The following POLR2B variants were observed in gnomAD, a reference collection of about 807,000 sequenced individuals.
The protein encoded by POLR2B is DNA-directed RNA polymerase II subunit RPB2.
Under a neutral mutation model 144.6 loss-of-function variants are expected in POLR2B, and 57 were observed. That is an observed-to-expected ratio of 0.39 (90% confidence interval 0.32 to 0.49). The LOEUF (loss-of-function observed/expected upper bound fraction) is 0.49. Among genes scored for constraint, POLR2B ranks in the 20% least tolerant of loss-of-function variants. The pLI, the probability that POLR2B is intolerant of heterozygous loss-of-function variation, is 0.83. For synonymous variants in POLR2B, 442 were observed against 469.8 expected, an observed-to-expected ratio of 0.94 and a Z score of 0.77; for missense variants, 595 against 1,467.4, an observed-to-expected ratio of 0.41 and a Z score of 9.71.
At chr4:56,980,671 GA>G (rs1722130086) in intron 1 of POLR2B, among the ~76,000 whole-genome samples, 1 of 152,094 alleles carries the variant, frequency 6.6e-6, no homozygotes, top group African/African-American at 2.4e-5. Context: ...TATGAGCTGA[GA>G]ACAAAGTGAG....
At chr4:56,989,012 A>G (rs976509644) in intron 2 of POLR2B, among the ~76,000 whole-genome samples, 2 of 152,222 alleles carry the variant, frequency 1.3e-5, no homozygotes, top group Non-Finnish European at 2.9e-5. Context: ...TACTTTGGCT[A>G]TTGAGAAATG....
At position 57,023,984 on chromosome 4, in the gene POLR2B, T is replaced by G. The variant is rs752830059; in HGVS notation, c.2857-21T>G. On this transcript the variant is annotated intron_variant, in intron 20 of 24. Coordinates refer to ENST00000314595, the MANE Select transcript of POLR2B (RefSeq NM_000938.3). The surrounding 1 kb of genome is among the most constrained non-coding windows in gnomAD (Gnocchi z 4.3). ...TTTAGTATATGTATCTTTGAGTCCC[T>G]TTTAAAATTTTTCTTTGTAGGATAT... 2 of 1,385,914 alleles carry G rather than the reference T, an allele frequency of 1.4e-6. No individual in the cohort carries two copies. The highest frequency in any genetic ancestry group is 1.3e-5 in the South Asian group (1 of 77,744). The allele number at this position is 1,385,914 out of a possible 1,614,324, so 85.9% of individuals were successfully genotyped here. A position where few individuals can be genotyped will look rare whatever the true frequency, so the allele number is the denominator to read the frequency against.
At chr4:57,022,598 A>C (rs1723589884) in intron 18 of POLR2B, among the ~76,000 whole-genome samples, 1 of 152,204 alleles carries the variant, frequency 6.6e-6, no homozygotes, top group African/African-American at 2.4e-5. Flanking sequence ...ATATTTGTTC[A>C]GCCACATTGT....
At chr4:57,025,777 C>CGA in intron 23 of POLR2B, among the ~76,000 whole-genome samples, 1 of 152,000 alleles carries the variant, frequency 6.6e-6, no homozygotes, top group East Asian at 1.9e-4. Flanking sequence ...CAGTGGCATG[C>CGA]CCACAGCTCC....
intron 1 of POLR2B, among the ~76,000 whole-genome samples, chr4:56,980,089 A>ATTTT (rs58541865): frequency 4.3e-5 from 6 of 139,074 alleles, no homozygotes; most frequent in African/African-American, 1.1e-4. Flanking sequence ...CAAAAGCTTA[A>ATTTT]TTTTTTTTTT....
chr4:56,995,768 G>C (rs946932939), intron 6 of POLR2B, among the ~76,000 whole-genome samples: 6 of 152,210 alleles, frequency 3.9e-5, no homozygotes, highest in African/African-American at 1.4e-4. Context: ...GCTCGCTGTT[G>C]GCTGGAAGCC....
At position 56,986,362 on chromosome 4, in the gene POLR2B, TATGATGAGGATG is replaced by T; in HGVS notation, c.36_47del (p.Asp13_Glu16del). The T allele has an allele frequency of 6.2e-7, 1 of 1,606,204 alleles. No homozygotes were observed. Among genetic ancestry groups the T allele is most frequent in the Non-Finnish European group, 8.5e-7 (1 of 1,173,006 alleles). On this transcript the variant is annotated inframe_deletion, in exon 2 of 25. Coordinates refer to ENST00000314595, the MANE Select transcript of POLR2B (RefSeq NM_000938.3). ...TATTTTTGTTTTTACAGATATGCAA[TATGATGAGGATG>T]ATGATGAAATCACCCCGGATTTGTG...
Position 57,023,190 on chromosome 4 carries a change from G to A in POLR2B, c.2516-140G>A, listed in dbSNP as rs1275769931. The A allele has an allele frequency of 2.7e-6, 2 of 735,542 alleles. No homozygotes were observed. Among genetic ancestry groups the A allele is most frequent in the African/African-American group, 3.5e-5 (2 of 56,378 alleles). The allele number at this position is 735,542 out of a possible 1,614,324, so 45.6% of individuals were successfully genotyped here. The stretch of plus-strand genomic sequence containing the variant: ...GGCTGTAGTATTAGAGTTCAGAATA[G>A]TTTGTAATATTTGGAATAAGGGTGT... On this transcript the variant is annotated intron_variant, in intron 18 of 24. Transcript: ENST00000314595. The surrounding 1 kb of genome is among the most constrained non-coding windows in gnomAD (Gnocchi z 4.3).
At chr4:56,988,811 T>C (rs1231475426) in intron 2 of POLR2B, among the ~76,000 whole-genome samples, 1 of 152,238 alleles carries the variant, frequency 6.6e-6, no homozygotes, top group Non-Finnish European at 1.5e-5. Context: ...ACCAGGTAGA[T>C]GTTCTGTGGA....
chr4:57,030,189 T>G lies in POLR2B; in HGVS notation c.3240-15T>G. 1 of 1,604,750 alleles carries G rather than the reference T, an allele frequency of 6.2e-7. No individual in the cohort carries two copies. The highest frequency in any genetic ancestry group is 8.5e-7 in the Non-Finnish European group (1 of 1,174,164). ...AAAAAATAAGTACAAAGTAATAATT[T>G]TTTTCTCTTAACAGTGATGGTGGCC... On this transcript the variant is annotated splice_polypyrimidine_tract_variant and intron_variant, in intron 23 of 24. Coordinates refer to ENST00000314595, the MANE Select transcript of POLR2B (RefSeq NM_000938.3).
chr4:57,016,052 T>C (rs963179617), intron 14 of POLR2B, among the ~76,000 whole-genome samples: 1 of 152,188 alleles, frequency 6.6e-6, no homozygotes, highest in Non-Finnish European at 1.5e-5. Flanking sequence ...AGCCACTGCG[T>C]CCGGCAAGTT....
chr4:57,014,895 CT>C (rs1483461977), intron 13 of POLR2B, among the ~76,000 whole-genome samples: 1 of 152,098 alleles, frequency 6.6e-6, no homozygotes, highest in East Asian at 1.9e-4. Flanking sequence ...ATTTTACGTT[CT>C]TTTTTTTCTG....
Position 57,030,325 on chromosome 4 carries a change from C to G in POLR2B, c.3361C>G (p.Leu1121Val). The change falls in exon 24 of 25, where the codon CTT (leucine) becomes GTT (valine). Residue 1121 changes from leucine (L) to valine (V), a missense_variant. Physicochemically the swap from Leu to Val is conservative, Grantham distance 32. This residue lies in a region of POLR2B where 45 missense variants were observed against 80.9 expected (regional missense o/e 0.56). Transcript: ENST00000314595. ...SDPYQVHVCNLCGIMAIANTR... is the reference protein window; with the variant it reads ...SDPYQVHVCNVCGIMAIANTR... ...TCCATATCAGGTTCATGTTTGCAAT[C>G]TTTGTGGAATAATGGCGATTGCCAA... 6.2e-7 allele frequency: 1 copy of G among 1,614,106 alleles called. No individual in the cohort carries two copies. Among genetic ancestry groups the G allele is most frequent in the Non-Finnish European group, 8.5e-7 (1 of 1,179,990 alleles).
Position 57,017,780 on chromosome 4 carries a change from CT to C in POLR2B, c.2323+56del, listed in dbSNP as rs749558816. The C allele has an allele frequency of 3.7e-6, 5 of 1,363,062 alleles. No homozygotes were observed. Among genetic ancestry groups the C allele is most frequent in the Non-Finnish European group, 5.1e-6 (5 of 974,694 alleles). 84.4% of individuals were successfully genotyped at this position (1,363,062 alleles called of 1,614,324 possible). A position where few individuals can be genotyped will look rare whatever the true frequency, so the allele number is the denominator to read the frequency against. On this transcript the variant is annotated intron_variant, in intron 16 of 24. Coordinates refer to ENST00000314595, the MANE Select transcript of POLR2B (RefSeq NM_000938.3). The surrounding 1 kb of genome is among the most constrained non-coding windows in gnomAD (Gnocchi z 4.8). ...TTAAGATCCTTCTGTGCTTAAGGCA[CT>C]TTTCTGGGTGCTTGGGAGGATTAAA...
At chr4:56,990,967 C>A in intron 3 of POLR2B, 69 bp downstream of exon 3, 1 of 1,378,366 alleles carries the variant, frequency 7.3e-7, no homozygotes, top group Non-Finnish European at 9.8e-7. Flanking sequence ...CCTTCTCTTA[C>A]CTGGCTTAAA....
chr4:57,009,559 A>G (rs56798906), intron 10 of POLR2B: 11,603 of 152,132 alleles, frequency 0.076, 504 homozygotes, highest in African/African-American at 0.093. Context: ...AGGTGAGGGG[A>G]AATGGGCTGG....
chr4:57,020,326 C>G (rs994993186), intron 16 of POLR2B, among the ~76,000 whole-genome samples: 6 of 152,160 alleles, frequency 3.9e-5, no homozygotes, highest in African/African-American at 1.2e-4. Context: ...GCCACCATGC[C>G]CGACCTAAAT....
chr4:56,995,243 C>A lies in POLR2B; in HGVS notation c.577-8C>A. 6.3e-7 allele frequency: 1 copy of A among 1,596,534 alleles called. No homozygotes were observed. Among genetic ancestry groups the A allele is most frequent in the Non-Finnish European group, 8.6e-7 (1 of 1,168,270 alleles). ...TTTATGGCTGTAACTTTCTTATTGTCCAAATAGGTTCTGATTGCCCAAGAG... is the reference window on the plus strand; with the variant it reads ...TTTATGGCTGTAACTTTCTTATTGTACAAATAGGTTCTGATTGCCCAAGAG... On this transcript the variant is annotated splice_region_variant and splice_polypyrimidine_tract_variant and intron_variant, in intron 5 of 24. Coordinates refer to ENST00000314595, the MANE Select transcript of POLR2B (RefSeq NM_000938.3).
intron 3 of POLR2B, among the ~76,000 whole-genome samples, chr4:56,993,162 G>A (rs1722574377): frequency 6.6e-6 from 1 of 151,730 alleles, no homozygotes; most frequent in Non-Finnish European, 1.5e-5. Context: ...AAAATTAGCC[G>A]GGCCTGGTGG....
Sources: gnomAD v4.1 joint callset for allele counts (sites outside exome capture counted in the v4.1 genomes callset) on GRCh38, gnomAD v4.1.1 for gene constraint, gnomAD v4.1.1 regional missense constraint, Gnocchi (gnomAD v3.1) non-coding constraint, MANE v1.5 for transcripts, NCBI Gene and HGNC (gene_info 2026-07-23, HGNC 2026-07-21) for gene names.